Variants in CDH12 observed in about 807,000 individuals in gnomAD.
CDH12 encodes the protein cadherin 12.
CDH12 carries 41 observed loss-of-function variants against 74.1 expected under a neutral mutation model. The observed-to-expected ratio is 0.55, with a 90% confidence interval of 0.43 to 0.72. CDH12 has a LOEUF of 0.72. Ranked by LOEUF, CDH12 falls within the 30% of genes least tolerant of loss-of-function variation. The pLI is 0.00. For synonymous variants in CDH12, 399 were observed against 355.0 expected (o/e 1.12, Z -1.39); for missense variants, 945 against 977.2 (o/e 0.97, Z 0.44).
chr5:22,089,855 A>T lies in CDH12; in HGVS notation c.-186-10993T>A, dbSNP rs77331976. ...AAAGAATAAAGTATAGGGAAATTTT[A>T]AAAAAATGAGATTAATTAAAACTAG... On this transcript the variant is annotated intron_variant, in intron 4 of 14. Transcript: ENST00000382254. Among the ~76,000 whole-genome samples the T allele has an allele frequency of 2.3e-3, 152 of 65,154 alleles. 1 individual carries two copies. The highest frequency in any genetic ancestry group is 9.8e-3 in the South Asian group (21 of 2,148). 42.7% of individuals were successfully genotyped at this position (65,154 alleles called of 152,430 possible). A position where few individuals can be genotyped will look rare whatever the true frequency, so the allele number is the denominator to read the frequency against.
At chr5:22,194,308 C>CTTTTTTTTTTTTTTT (rs59899245) in intron 4 of CDH12, among the ~76,000 whole-genome samples, 14 of 139,830 alleles carry the variant, frequency 1.0e-4, no homozygotes, top group East Asian at 2.2e-4. Flanking sequence ...CTTTTTCTTT[C>CTTTTTTTTTTTTTTT]TTTTTTTTTT....
intron 1 of CDH12, among the ~76,000 whole-genome samples, chr5:22,581,733 C>T (rs559193230): frequency 1.3e-5 from 2 of 152,272 alleles, no homozygotes; most frequent in Non-Finnish European, 2.9e-5. Flanking sequence ...AATGACAGCC[C>T]GTGAAGGCAG....
chr5:22,843,454 GT>G (rs1368685159), intron 1 of CDH12, among the ~76,000 whole-genome samples: 2 of 152,028 alleles, frequency 1.3e-5, no homozygotes, highest in African/African-American at 4.8e-5. Context: ...AAAAAATGAA[GT>G]TGTTTTCCTC....
At chr5:22,802,473 T>C (rs973022526) in intron 1 of CDH12, among the ~76,000 whole-genome samples, 2 of 152,160 alleles carry the variant, frequency 1.3e-5, no homozygotes, top group Non-Finnish European at 2.9e-5. Context: ...AATTGCTTTA[T>C]AGTAATAAAT....
intron 1 of CDH12, among the ~76,000 whole-genome samples, chr5:22,729,930 A>G (rs540711923): frequency 1.2e-4 from 18 of 151,988 alleles, no homozygotes; most frequent in African/African-American, 4.3e-4. Context: ...GATTAAATGA[A>G]CATATACAAA....
At chr5:22,379,878 C>T (rs1741686697) in intron 3 of CDH12, among the ~76,000 whole-genome samples, 1 of 152,138 alleles carries the variant, frequency 6.6e-6, no homozygotes, top group Non-Finnish European at 1.5e-5. Flanking sequence ...CTCAGCCTTC[C>T]AAGTAATTAG....
chr5:22,390,513 A>T (rs893776629), intron 3 of CDH12, among the ~76,000 whole-genome samples: 12 of 152,084 alleles, frequency 7.9e-5, no homozygotes, highest in Non-Finnish European at 1.5e-5. Context: ...TCCAAAGGAA[A>T]TCTTTGTACA....
At chr5:22,313,602 A>G (rs563056347) in intron 3 of CDH12, among the ~76,000 whole-genome samples, 1 of 152,304 alleles carries the variant, frequency 6.6e-6, no homozygotes, top group East Asian at 1.9e-4. Context: ...TAATCTGTGG[A>G]TAAAGAAAAT....
chr5:22,242,010 C>T (rs899671875), intron 3 of CDH12, among the ~76,000 whole-genome samples: 32 of 151,878 alleles, frequency 2.1e-4, no homozygotes, highest in Non-Finnish European at 1.0e-4. Flanking sequence ...GGTCTTCAGC[C>T]AATATTTCTT....
At chr5:22,037,090 G>A (rs926489430) in intron 5 of CDH12, among the ~76,000 whole-genome samples, 15 of 152,094 alleles carry the variant, frequency 9.9e-5, no homozygotes, top group African/African-American at 2.9e-4. Flanking sequence ...AAACATTAAC[G>A]TAGACATAAG....
intron 1 of CDH12, among the ~76,000 whole-genome samples, chr5:22,614,829 T>G (rs1737611963): frequency 6.6e-6 from 1 of 152,112 alleles, no homozygotes. Context: ...TAATTTCTTT[T>G]TTATTCTTCA....
chr5:22,229,657 T>C (rs2150374095), intron 3 of CDH12, among the ~76,000 whole-genome samples: 1 of 152,258 alleles, frequency 6.6e-6, no homozygotes, highest in Middle Eastern at 3.4e-3. Context: ...TTTCTCCAAA[T>C]GATTCTAGGC....
chr5:22,783,540 C>G (rs982457328), intron 1 of CDH12, among the ~76,000 whole-genome samples: 3 of 152,106 alleles, frequency 2.0e-5, no homozygotes, highest in African/African-American at 7.2e-5. Context: ...ATACAACTGG[C>G]AACTCACAAC....
intron 3 of CDH12, among the ~76,000 whole-genome samples, chr5:22,382,198 A>AGATATTTATATATTTAAAATATAT (rs1196926867): frequency 6.9e-5 from 10 of 145,838 alleles, no homozygotes; most frequent in Non-Finnish European, 1.1e-4. Context: ...TTATTTTATT[A>AGATATTTATATATTTAAAATATAT]GATATTTATA....
intron 4 of CDH12, among the ~76,000 whole-genome samples, chr5:22,122,219 A>G (rs1745558039): frequency 6.6e-6 from 1 of 152,112 alleles, no homozygotes; most frequent in Non-Finnish European, 1.5e-5. Context: ...CCTGGCCAAC[A>G]TGGTGAAACC....
intron 4 of CDH12, among the ~76,000 whole-genome samples, chr5:22,206,838 G>T (rs1344770741): frequency 1.3e-5 from 2 of 151,414 alleles, no homozygotes; most frequent in South Asian, 4.2e-4. Flanking sequence ...AAATATGGAT[G>T]AATTAGTGAG....
At chr5:22,337,030 G>C (rs538665053) in intron 3 of CDH12, among the ~76,000 whole-genome samples, 2 of 152,220 alleles carry the variant, frequency 1.3e-5, no homozygotes, top group East Asian at 3.9e-4. Flanking sequence ...TCTTGCATAA[G>C]TGTGACCTGA....
At chr5:21,990,225 A>C (rs1461157374) in intron 5 of CDH12, among the ~76,000 whole-genome samples, 1 of 152,182 alleles carries the variant, frequency 6.6e-6, no homozygotes, top group Non-Finnish European at 1.5e-5. Context: ...TGAACTAATG[A>C]ATTTATAAAG....
At chr5:22,450,022 AAAAT>A (rs1404740824) in intron 2 of CDH12, among the ~76,000 whole-genome samples, 17 of 152,032 alleles carry the variant, frequency 1.1e-4, no homozygotes, top group African/African-American at 3.6e-4. Flanking sequence ...AATTCCCTTA[AAAAT>A]ACAATAGATT....
Sources: allele counts gnomAD v4.1 joint callset (sites outside exome capture counted in the v4.1 genomes callset), GRCh38; gene constraint gnomAD v4.1.1; transcripts MANE v1.5; gene names NCBI Gene and HGNC (gene_info 2026-07-23, HGNC 2026-07-21).